GALNTL6: variants seen among roughly 807,000 people sequenced by gnomAD.
GALNTL6 encodes polypeptide N-acetylgalactosaminyltransferase like 6.
In GALNTL6, 46 loss-of-function variants were observed where a neutral mutation model predicts 73.7. That is an observed-to-expected ratio of 0.62 (90% confidence interval 0.49 to 0.80). The LOEUF is 0.80. Ranked by LOEUF, GALNTL6 falls within the 30% of genes least tolerant of loss-of-function variation. The pLI, the probability that GALNTL6 is intolerant of heterozygous loss-of-function variation, is 0.00. For synonymous variants in GALNTL6, 259 were observed against 263.7 expected, an observed-to-expected ratio of 0.98 and a Z score of 0.17; for missense variants, 604 against 755.0, an observed-to-expected ratio of 0.80 and a Z score of 2.34.
chr4:172,871,857 C>G (rs1744962342), intron 7 of GALNTL6, among the ~76,000 whole-genome samples: 1 of 151,874 alleles, frequency 6.6e-6, no homozygotes, highest in South Asian at 2.1e-4. Context: ...GATCTTGGCT[C>G]ACCACAAACT....
At chr4:172,439,867 A>G (rs1731765798) in intron 5 of GALNTL6, among the ~76,000 whole-genome samples, 1 of 151,992 alleles carries the variant, frequency 6.6e-6, no homozygotes. Flanking sequence ...CCCATTATCA[A>G]TGTTTCCCAA....
rs868231758 is a variant in GALNTL6, at chr4:172,658,399, G to A, written c.554-150962G>A. On this transcript the variant is annotated intron_variant, in intron 5 of 12. Transcript: ENST00000506823. Reference sequence around the variant, plus strand: ...GGAGAATGGCGTGAATCCGGGAGGCGGAGCTTGTAGTGAGCCGAGATCGCA... The same window carrying A: ...GGAGAATGGCGTGAATCCGGGAGGCAGAGCTTGTAGTGAGCCGAGATCGCA... 4.0e-5 allele frequency among the ~76,000 whole-genome samples: 6 copies of A among 150,072 alleles called. No individual in the cohort carries two copies. In the East Asian group the frequency reaches 5.9e-4, roughly 15 times the overall value.
intron 5 of GALNTL6, among the ~76,000 whole-genome samples, chr4:172,489,422 G>C (rs1579122236): frequency 6.6e-6 from 1 of 152,300 alleles, no homozygotes; most frequent in East Asian, 1.9e-4. Flanking sequence ...TTACGCATGT[G>C]TATGTAAATA....
intron 3 of GALNTL6, among the ~76,000 whole-genome samples, chr4:172,277,101 T>TA (rs1319487672): frequency 6.6e-6 from 1 of 152,166 alleles, no homozygotes; most frequent in African/African-American, 2.4e-5. Context: ...TGATACTACT[T>TA]AGTCATCTTT....
chr4:172,740,649 A>C (rs1271089509), intron 5 of GALNTL6, among the ~76,000 whole-genome samples: 1 of 152,088 alleles, frequency 6.6e-6, no homozygotes, highest in Non-Finnish European at 1.5e-5. Flanking sequence ...TGTAAACAAG[A>C]GTCTTTTTTG....
chr4:172,866,446 G>A (rs1385097006), intron 7 of GALNTL6, among the ~76,000 whole-genome samples: 1 of 152,160 alleles, frequency 6.6e-6, no homozygotes, highest in East Asian at 1.9e-4. Context: ...ATTGTCCAGT[G>A]GGGATAAGAA....
intron 5 of GALNTL6, among the ~76,000 whole-genome samples, chr4:172,716,860 T>C (rs1225225559): frequency 1.3e-5 from 2 of 152,168 alleles, no homozygotes; most frequent in Non-Finnish European, 2.9e-5. Context: ...TTCTCTTTAG[T>C]CACCCATAAT....
chr4:172,765,029 A>G (rs193264078), intron 5 of GALNTL6, among the ~76,000 whole-genome samples: 16 of 152,380 alleles, frequency 1.1e-4, no homozygotes, highest in Admixed American at 9.1e-4. Context: ...TGGAACTAGC[A>G]TAATAGCAAT....
At chr4:172,207,822 A>AC (rs1736191404) in intron 2 of GALNTL6, among the ~76,000 whole-genome samples, 1 of 152,234 alleles carries the variant, frequency 6.6e-6, no homozygotes, top group African/African-American at 2.4e-5. Context: ...CATAACTTGC[A>AC]CGCAGTAAGT....
At position 171,868,719 on chromosome 4, in the gene GALNTL6, TC is replaced by T. The variant is rs554941901; in HGVS notation, c.138+54002del. 1.5e-3 allele frequency among the ~76,000 whole-genome samples: 225 copies of T among 152,248 alleles called. 1 individual carries two copies. The highest frequency in any genetic ancestry group is 2.7e-3 in the Non-Finnish European group (185 of 68,030). ...TTTTTTTAGACGGAGTCCTGCTCTG[TC>T]ACCCAGGCTGGAGTGCAGTGGTGTG... On this transcript the variant is annotated intron_variant, in intron 2 of 12. Transcript: ENST00000506823.
intron 8 of GALNTL6, among the ~76,000 whole-genome samples, chr4:172,910,678 A>T (rs990155985): frequency 1.3e-5 from 2 of 152,234 alleles, no homozygotes; most frequent in Non-Finnish European, 2.9e-5. Context: ...AATCCAAGGT[A>T]TTGATTAGGC....
chr4:171,846,785 G>A (rs1248406580), intron 2 of GALNTL6, among the ~76,000 whole-genome samples: 1 of 146,776 alleles, frequency 6.8e-6, no homozygotes, highest in Non-Finnish European at 1.5e-5. Flanking sequence ...TAGATATATA[G>A]AAAGCTATAT....
chr4:172,771,638 T>C (rs1351192743), intron 5 of GALNTL6, among the ~76,000 whole-genome samples: 1 of 152,190 alleles, frequency 6.6e-6, no homozygotes, highest in Non-Finnish European at 1.5e-5. Flanking sequence ...TCAACATTTT[T>C]CTATGGCCAT....
At chr4:172,492,305 T>A (rs892875643) in intron 5 of GALNTL6, among the ~76,000 whole-genome samples, 3 of 152,118 alleles carry the variant, frequency 2.0e-5, no homozygotes, top group African/African-American at 7.2e-5. Context: ...ATGAGATTTT[T>A]TGAAGGAAAA....
intron 5 of GALNTL6, among the ~76,000 whole-genome samples, chr4:172,353,105 A>G (rs890917284): frequency 2.0e-5 from 3 of 152,094 alleles, no homozygotes; most frequent in East Asian, 3.9e-4. Context: ...TGTACTTTCT[A>G]TAGGAATTAA....
chr4:172,646,340 AT>A (rs908482787), intron 5 of GALNTL6, among the ~76,000 whole-genome samples: 3 of 152,056 alleles, frequency 2.0e-5, no homozygotes, highest in African/African-American at 7.2e-5. Context: ...GTCTATGAAC[AT>A]GGTATATTTC....
intron 5 of GALNTL6, among the ~76,000 whole-genome samples, chr4:172,481,037 T>G (rs1160929392): frequency 6.6e-6 from 1 of 152,216 alleles, no homozygotes; most frequent in African/African-American, 2.4e-5. Flanking sequence ...ACTTCAAGAA[T>G]GAAGCCGTGG....
At chr4:173,015,319 G>A (rs1330807237) in intron 11 of GALNTL6, among the ~76,000 whole-genome samples, 1 of 152,198 alleles carries the variant, frequency 6.6e-6, no homozygotes, top group African/African-American at 2.4e-5. Flanking sequence ...GTGGAACTGG[G>A]TAACAGACAG....
chr4:172,997,177 T>A (rs1751832955), intron 10 of GALNTL6, among the ~76,000 whole-genome samples: 1 of 152,226 alleles, frequency 6.6e-6, no homozygotes, highest in Non-Finnish European at 1.5e-5. Flanking sequence ...TTAATTTCCA[T>A]GTGTTTCCTT....
Sources: allele counts gnomAD v4.1 joint callset (sites outside exome capture counted in the v4.1 genomes callset), GRCh38; gene constraint gnomAD v4.1.1; transcripts MANE v1.5; gene names NCBI Gene and HGNC (gene_info 2026-07-23, HGNC 2026-07-21).